The following CEP112 variants were observed in gnomAD, a reference collection of about 807,000 sequenced individuals.
CEP112 encodes centrosomal protein 112.
A neutral mutation model predicts 153.0 loss-of-function variants in CEP112; 127 were observed. The ratio of observed to expected loss-of-function variants is 0.83; its 90% CI spans 0.72 to 0.96. CEP112 has a LOEUF of 0.96. Ranked by LOEUF, CEP112 falls within the 40% of genes least tolerant of loss-of-function variation. The pLI is 0.00. For missense variants in CEP112, 1,089 were observed against 1,101.2 expected (o/e 0.99, Z 0.16); for synonymous variants, 358 against 374.4 (o/e 0.96, Z 0.51).
chr17:65,989,070 C>T, intron 17 of CEP112, among the ~76,000 whole-genome samples: 1 of 150,340 alleles, frequency 6.7e-6, no homozygotes, highest in East Asian at 1.9e-4. Context: ...ACTAAAAATA[C>T]AAAAAAATTA....
intron 4 of CEP112, among the ~76,000 whole-genome samples, chr17:66,155,246 C>T (rs1240942609): frequency 6.6e-6 from 1 of 152,076 alleles, no homozygotes; most frequent in Admixed American, 6.5e-5. Context: ...GAGGGCGAGC[C>T]GAAGCAGGGT....
intron 19 of CEP112, among the ~76,000 whole-genome samples, chr17:65,918,290 G>A (rs1055828049): frequency 2.6e-5 from 4 of 152,194 alleles, no homozygotes; most frequent in Middle Eastern, 3.4e-3. Flanking sequence ...TGGGAATCAC[G>A]TGCTATCTGC....
At chr17:65,794,281 G>C (rs1488557850) in intron 21 of CEP112, among the ~76,000 whole-genome samples, 1 of 152,074 alleles carries the variant, frequency 6.6e-6, no homozygotes, top group African/African-American at 2.4e-5. Flanking sequence ...CATAGAAAAA[G>C]GATAAATATT....
chr17:66,142,023 C>T (rs897944102), intron 4 of CEP112, among the ~76,000 whole-genome samples: 2 of 152,182 alleles, frequency 1.3e-5, no homozygotes, highest in Non-Finnish European at 2.9e-5. Flanking sequence ...CCCTTTTCTC[C>T]AAATCCTGGA....
At chr17:65,918,201 T>A (rs987844321) in intron 19 of CEP112, among the ~76,000 whole-genome samples, 3 of 148,612 alleles carry the variant, frequency 2.0e-5, no homozygotes, top group African/African-American at 5.0e-5. Flanking sequence ...AAAATTAAAA[T>A]TAAAATAAAA....
chr17:65,689,877 G>T (rs1320987267), intron 23 of CEP112, among the ~76,000 whole-genome samples: 1 of 152,028 alleles, frequency 6.6e-6, no homozygotes, highest in Non-Finnish European at 1.5e-5. Context: ...ACTAGAAAAA[G>T]AACTTGTAGT....
At chr17:66,166,920 A>C (rs1003169500) in intron 4 of CEP112, among the ~76,000 whole-genome samples, 9 of 151,676 alleles carry the variant, frequency 5.9e-5, no homozygotes, top group Non-Finnish European at 1.3e-4. Flanking sequence ...AAAAAAAAAA[A>C]AACACACAGT....
Position 65,870,189 on chromosome 17 carries a change from A to G in CEP112, c.2164-18155T>C, listed in dbSNP as rs187063739. Among the ~76,000 whole-genome samples the G allele has an allele frequency of 1.1e-4, 16 of 152,338 alleles. No homozygotes were observed. The East Asian group carries it at 3.1e-3, about 29-fold the overall frequency. On this transcript the variant is annotated intron_variant, in intron 20 of 26. Coordinates refer to ENST00000535342, the MANE Select transcript of CEP112 (RefSeq NM_001199165.4). Reference sequence around the variant, plus strand: ...GAATTAAAACATGTTATGAGTTCACATGAACTGGAAAGCATTATGGCTACA... The same window carrying G: ...GAATTAAAACATGTTATGAGTTCACGTGAACTGGAAAGCATTATGGCTACA...
rs777376240 is a variant in CEP112, at chr17:65,902,199, T to A, written c.2116A>T (p.Met706Leu). ...TCCTGAATTTGATTTTCGTGCTCCA[T>A]ATTGGCAGCGCGAAGCTGTTTTTCC... is the stretch of plus-strand genomic sequence containing the variant. ...NLEKQLRAAN[M>L]EHENQIQEFK... is the part of the protein sequence containing the mutation. Residue 706 changes from methionine to leucine, a missense_variant, in exon 20 of 27, where the codon ATG becomes TTG. Met to Leu is a conservative substitution (Grantham distance 15). Coordinates refer to ENST00000535342, the MANE Select transcript of CEP112 (RefSeq NM_001199165.4). 2.5e-6 allele frequency: 4 copies of A among 1,613,762 alleles called. No individual in the cohort carries two copies. In the South Asian group the frequency reaches 4.4e-5, roughly 18 times the overall value.
At chr17:66,038,100 CAAAAA>C (rs5821553) in intron 12 of CEP112, among the ~76,000 whole-genome samples, 2 of 105,398 alleles carry the variant, frequency 1.9e-5, no homozygotes, top group East Asian at 4.6e-4. Context: ...GACTCTGTCT[CAAAAA>C]AAAAAAAAAG....
intron 4 of CEP112, among the ~76,000 whole-genome samples, chr17:66,133,932 G>GT (rs932077852): frequency 6.6e-6 from 1 of 151,974 alleles, no homozygotes. Context: ...AAAGAGAGCT[G>GT]TTTTTTTTAA....
intron 17 of CEP112, among the ~76,000 whole-genome samples, chr17:65,979,040 T>G (rs1385880368): frequency 6.6e-6 from 1 of 152,156 alleles, no homozygotes; most frequent in Non-Finnish European, 1.5e-5. Context: ...TAAGCCAGCA[T>G]GTTCACTGGA....
intron 6 of CEP112, among the ~76,000 whole-genome samples, chr17:66,112,501 A>G (rs1367896689): frequency 6.6e-6 from 1 of 152,190 alleles, no homozygotes; most frequent in Non-Finnish European, 1.5e-5. Flanking sequence ...ATTGGCATAA[A>G]TTAAAAATTT....
At chr17:65,846,863 C>T (rs568556176) in intron 21 of CEP112, among the ~76,000 whole-genome samples, 2 of 152,302 alleles carry the variant, frequency 1.3e-5, no homozygotes, top group South Asian at 2.1e-4. Context: ...TTAATGAGTG[C>T]TTACTGTGTG....
intron 21 of CEP112, 79 bp from the exon 22 acceptor site, chr17:65,750,803 G>T: frequency 7.6e-7 from 1 of 1,308,090 alleles, no homozygotes. Context: ...TCACCAGGCA[G>T]CTGGGATGCC....
In CEP112 at chr17:65,964,443, C is replaced by T. The variant is rs145362848; in HGVS notation, c.1737-2845G>A. Among the ~76,000 whole-genome samples the T allele has an allele frequency of 4.0e-3, 607 of 152,278 alleles. 6 individuals are homozygous for T. Among genetic ancestry groups the T allele is most frequent in the African/African-American group, 0.014 (586 of 41,554 alleles). ...TATTATTCTGTTCAAGAACAGGAGG[C>T]TTTAAGTTGTATGTAGGATTTCCCT... On this transcript the variant is annotated intron_variant, in intron 17 of 26. Coordinates refer to ENST00000535342, the MANE Select transcript of CEP112 (RefSeq NM_001199165.4).
chr17:66,024,371 G>A (rs1168499938), intron 16 of CEP112, among the ~76,000 whole-genome samples: 1 of 151,890 alleles, frequency 6.6e-6, no homozygotes, highest in Non-Finnish European at 1.5e-5. Context: ...AAAAGAGGAA[G>A]TCAAATTATC....
At chr17:66,080,943 A>G (rs545155986) in intron 8 of CEP112, among the ~76,000 whole-genome samples, 1 of 152,122 alleles carries the variant, frequency 6.6e-6, no homozygotes, top group South Asian at 2.1e-4. Flanking sequence ...GTTCTTACTC[A>G]TAAGTGGGAG....
At chr17:65,912,889 G>A (rs1260269754) in intron 19 of CEP112, among the ~76,000 whole-genome samples, 1 of 152,110 alleles carries the variant, frequency 6.6e-6, no homozygotes, top group East Asian at 1.9e-4. Flanking sequence ...TTTGCTTCTA[G>A]GTTGTAAAAT....
Sources: gnomAD v4.1 joint callset for allele counts (sites outside exome capture counted in the v4.1 genomes callset) on GRCh38, gnomAD v4.1.1 for gene constraint, MANE v1.5 for transcripts, NCBI Gene and HGNC (gene_info 2026-07-23, HGNC 2026-07-21) for gene names.